SSU72: variants seen among roughly 807,000 people sequenced by gnomAD.
The protein encoded by SSU72 is RNA polymerase II subunit A C-terminal domain phosphatase SSU72.
Under a neutral mutation model 22.7 loss-of-function variants are expected in SSU72, and 12 were observed. The ratio of observed to expected loss-of-function variants is 0.53; its 90% CI spans 0.34 to 0.86. SSU72 has a LOEUF of 0.86. Ranked by LOEUF, SSU72 falls within the 40% of genes least tolerant of loss-of-function variation. The pLI is 0.02. For missense variants in SSU72, 151 were observed against 249.8 expected (o/e 0.60, Z 2.67); for synonymous variants, 116 against 98.3 (o/e 1.18, Z -1.06).
At chr1:1,559,206 G>A (rs1375741940) in intron 2 of SSU72, among the ~76,000 whole-genome samples, 1 of 152,240 alleles carries the variant, frequency 6.6e-6, no homozygotes, top group African/African-American at 2.4e-5. Flanking sequence ...GGCTGCATAT[G>A]AACTGGACAG....
In SSU72 at chr1:1,573,194, G is replaced by A. The variant is rs147270316; in HGVS notation, c.80+1284C>T. ...TCCCAGCACTTTGGGAGGCCGAGCG[G>A]GCAGATCACGAGGTCATAAGATCAA... On this transcript the variant is annotated intron_variant, in intron 1 of 4. Coordinates refer to ENST00000291386, the MANE Select transcript of SSU72 (RefSeq NM_014188.3). Among the ~76,000 whole-genome samples, 664 of 151,158 alleles carry A rather than the reference G, an allele frequency of 4.4e-3. 6 individuals are homozygous for A. The highest frequency in any genetic ancestry group is 0.016 in the African/African-American group (645 of 41,102).
intron 1 of SSU72, among the ~76,000 whole-genome samples, chr1:1,570,164 C>T (rs1642709919): frequency 6.6e-6 from 1 of 151,782 alleles, no homozygotes; most frequent in Non-Finnish European, 1.5e-5. Context: ...TGCGGTGCCT[C>T]ACACCTGTAA....
At chr1:1,545,582 G>C (rs1217216354) in intron 2 of SSU72, 3 of 152,690 alleles carry the variant, frequency 2.0e-5, no homozygotes, top group Non-Finnish European at 4.4e-5. Flanking sequence ...GGCCGAGGTG[G>C]GCGGATCACG....
intron 2 of SSU72, chr1:1,561,361 G>T (rs1642590134): frequency 1.3e-5 from 2 of 152,240 alleles, no homozygotes; most frequent in Admixed American, 1.3e-4. Context: ...GGGATTACAG[G>T]CCTGAGTCAC....
intron 2 of SSU72, chr1:1,560,838 AAATT>A (rs1012721387): frequency 3.3e-5 from 5 of 152,372 alleles, no homozygotes; most frequent in East Asian, 1.9e-4. Flanking sequence ...TAATAATAAT[AAATT>A]AAGTATTTCA....
At chr1:1,572,435 T>C (rs1642742828) in intron 1 of SSU72, among the ~76,000 whole-genome samples, 1 of 149,060 alleles carries the variant, frequency 6.7e-6, no homozygotes, top group Admixed American at 6.7e-5. Context: ...AAAAAAAATA[T>C]ATATTCTACT....
intron 1 of SSU72, among the ~76,000 whole-genome samples, chr1:1,566,632 C>G (rs982594171): frequency 6.6e-6 from 1 of 152,142 alleles, no homozygotes; most frequent in Non-Finnish European, 1.5e-5. Context: ...GTGGGCAGAT[C>G]ATGAGGTCAG....
chr1:1,547,828 G>A (rs904511683), intron 2 of SSU72, among the ~76,000 whole-genome samples: 3 of 152,240 alleles, frequency 2.0e-5, no homozygotes, highest in South Asian at 4.1e-4. Context: ...CTGCCGGGCG[G>A]GAGGAAGGGG....
At chr1:1,544,059 C>T (rs1019963061) in intron 3 of SSU72, 72 bp from the exon 4 acceptor site, 33 of 1,194,574 alleles carry the variant, frequency 2.8e-5, no homozygotes, top group East Asian at 1.2e-4. Flanking sequence ...GTGGCTGAGT[C>T]CCCAGCTCTG....
At chr1:1,551,233 T>C (rs1642452259) in intron 2 of SSU72, among the ~76,000 whole-genome samples, 1 of 152,104 alleles carries the variant, frequency 6.6e-6, no homozygotes, top group Non-Finnish European at 1.5e-5. Flanking sequence ...GCGGGAGGTA[T>C]AAATAGCACC....
At chr1:1,571,559 CTT>C (rs1642731650) in intron 1 of SSU72, among the ~76,000 whole-genome samples, 1 of 152,050 alleles carries the variant, frequency 6.6e-6, no homozygotes, top group Non-Finnish European at 1.5e-5. Context: ...TGAGTCTACT[CTT>C]TTATGAGTAA....
At chr1:1,558,347 G>A (rs880051) in intron 2 of SSU72, among the ~76,000 whole-genome samples, 58,777 of 151,990 alleles carry the variant, frequency 0.39, 14,269 homozygotes, top group East Asian at 0.78. Context: ...CAGCCCACAC[G>A]ACAGAGAGAC....
intron 1 of SSU72, among the ~76,000 whole-genome samples, chr1:1,569,099 G>A (rs1460132438): frequency 1.3e-5 from 2 of 151,878 alleles, no homozygotes; most frequent in African/African-American, 2.4e-5. Flanking sequence ...GCTTGAACTC[G>A]GGAGGCAGAG....
intron 2 of SSU72, 36 bp from the exon 3 acceptor site, chr1:1,545,038 C>T: frequency 6.2e-7 from 1 of 1,604,020 alleles, no homozygotes; most frequent in Non-Finnish European, 8.5e-7. Context: ...AGAGAAAAGG[C>T]ATCTGTGTAT....
At chr1:1,544,669 G>A in intron 3 of SSU72, 194 bp downstream of exon 3, 2 of 671,490 alleles carry the variant, frequency 3.0e-6, no homozygotes, top group Non-Finnish European at 5.2e-6. Flanking sequence ...TGAAGCCCAT[G>A]AGGCTGCAGC....
intron 1 of SSU72, 146 bp from the exon 2 acceptor site, chr1:1,565,062 G>A (rs1015235636): frequency 3.5e-5 from 42 of 1,188,818 alleles, no homozygotes; most frequent in East Asian, 1.5e-4. Context: ...AATCTAGGCC[G>A]GGCATGGTGG....
chr1:1,574,630 A>T lies in SSU72; in HGVS notation c.-73T>A. 1 of 1,439,190 alleles carries T rather than the reference A, an allele frequency of 6.9e-7. No individual in the cohort carries two copies. Among genetic ancestry groups the T allele is most frequent in the Non-Finnish European group, 9.3e-7 (1 of 1,076,164 alleles). The allele number at this position is 1,439,190 out of a possible 1,614,324, so 89.2% of individuals were successfully genotyped here. ...ACCGCGGCGCTTCCGCGCGAACAAA[A>T]TGGCGGCCGCGGTGGCCGGAAGCGG... On this transcript the variant is annotated 5_prime_UTR_variant, in exon 1 of 5. Transcript: ENST00000291386.
At chr1:1,558,176 G>A (rs779243073) in intron 2 of SSU72, among the ~76,000 whole-genome samples, 26 of 145,898 alleles carry the variant, frequency 1.8e-4, no homozygotes, top group Non-Finnish European at 1.6e-4. Flanking sequence ...ACTCCAGCCT[G>A]GGCAACAGAG....
chr1:1,550,174 A>AT (rs1642439067), intron 2 of SSU72, among the ~76,000 whole-genome samples: 1 of 102,370 alleles, frequency 9.8e-6, no homozygotes, highest in Non-Finnish European at 1.7e-5. Context: ...AGAGTGTCTC[A>AT]AAAAAAAAAA....
Sources: allele counts gnomAD v4.1 joint callset (sites outside exome capture counted in the v4.1 genomes callset), GRCh38; gene constraint gnomAD v4.1.1; transcripts MANE v1.5; gene names NCBI Gene and HGNC (gene_info 2026-07-23, HGNC 2026-07-21).